Variants in CERS6 observed in about 807,000 individuals in gnomAD.
The protein encoded by CERS6 is LAG1 homolog, ceramide synthase 6.
Under a neutral mutation model 56.8 loss-of-function variants are expected in CERS6, and 26 were observed. That is an observed-to-expected ratio of 0.46 (90% CI 0.34 to 0.63). The LOEUF is 0.63. Ranked by LOEUF, CERS6 falls within the 30% of genes least tolerant of loss-of-function variation. The probability of loss-of-function intolerance (pLI) is 0.01; values close to 1 mark genes in which losing one functional copy is unlikely to be tolerated. For synonymous variants in CERS6, 164 were observed against 173.3 expected, an observed-to-expected ratio of 0.95 and a Z score of 0.42; for missense variants, 415 against 467.5, an observed-to-expected ratio of 0.89 and a Z score of 1.04.
rs1223269152 is a variant in CERS6, at chr2:168,717,955, A to G, written c.822A>G (p.Thr274=). ...TGTTTGCCGTGGTTTTTATCACCAC[A>G]CGACTGGGTATATTTCCTCTCTGGT... The part of the protein sequence containing the change: ...FVMFAVVFIT[T]RLGIFPLWVL... The change falls in exon 8 of 10, where the codon ACA becomes ACG. Residue 274 remains threonine (T), a synonymous_variant. Coordinates refer to ENST00000305747, the MANE Select transcript of CERS6 (RefSeq NM_203463.3). 1 of 1,613,008 alleles carries G rather than the reference A, an allele frequency of 6.2e-7. No individual in the cohort carries two copies. Among genetic ancestry groups the G allele is most frequent in the African/African-American group, 1.3e-5 (1 of 74,900 alleles).
At chr2:168,474,948 TA>T (rs1694042964) in intron 1 of CERS6, among the ~76,000 whole-genome samples, 1 of 152,204 alleles carries the variant, frequency 6.6e-6, no homozygotes, top group Non-Finnish European at 1.5e-5. Flanking sequence ...ATGATTAAGC[TA>T]TTCTGATGGT....
At chr2:168,510,740 C>A (rs1694764494) in intron 1 of CERS6, among the ~76,000 whole-genome samples, 1 of 152,080 alleles carries the variant, frequency 6.6e-6, no homozygotes. Flanking sequence ...TTGCTTTCTG[C>A]ACCATTATCA....
rs371705911 is a variant in CERS6, at chr2:168,640,719, A to G, written c.465+9677A>G. Among the ~76,000 whole-genome samples, 220 of 152,342 alleles carry G rather than the reference A, an allele frequency of 1.4e-3. 4 individuals are homozygous for G. The South Asian group carries it at 0.044, about 30-fold the overall frequency. ...TTAAGCTTTGTCTAAAAATACTTAT[A>G]TAATATGAGGCTTTGTGATAAGTGG... On this transcript the variant is annotated intron_variant, in intron 4 of 9. Coordinates refer to ENST00000305747, the MANE Select transcript of CERS6 (RefSeq NM_203463.3).
intron 3 of CERS6, among the ~76,000 whole-genome samples, chr2:168,577,107 A>T (rs1189161587): frequency 6.6e-6 from 1 of 152,174 alleles, no homozygotes; most frequent in African/African-American, 2.4e-5. Context: ...TGGTGAATAG[A>T]TAGTGTGTAA....
chr2:168,768,867 T>C (rs2105470423), intron 9 of CERS6, among the ~76,000 whole-genome samples: 1 of 134,940 alleles, frequency 7.4e-6, no homozygotes, highest in African/African-American at 2.9e-5. Context: ...ATCGCACCAG[T>C]GCACTCCAGC....
At chr2:168,508,188 A>AT (rs1694714925) in intron 1 of CERS6, among the ~76,000 whole-genome samples, 1 of 152,196 alleles carries the variant, frequency 6.6e-6, no homozygotes, top group East Asian at 1.9e-4. Context: ...GAAAACATTG[A>AT]TTTACAATAG....
chr2:168,722,659 A>G (rs756506914), intron 8 of CERS6, among the ~76,000 whole-genome samples: 4 of 152,150 alleles, frequency 2.6e-5, no homozygotes, highest in Non-Finnish European at 5.9e-5. Flanking sequence ...GAATCACACT[A>G]TATTTTATCT....
chr2:168,482,399 T>C (rs1189836243), intron 1 of CERS6, among the ~76,000 whole-genome samples: 1 of 152,228 alleles, frequency 6.6e-6, no homozygotes, highest in Non-Finnish European at 1.5e-5. Flanking sequence ...TGTGTAGCCA[T>C]AGAAGCTAAA....
In CERS6 at chr2:168,760,738, G is replaced by GTTTGTTTATTTA. The variant is rs376070301; in HGVS notation, c.846-4851_846-4850insGTTTATTTATTT. On this transcript the variant is annotated intron_variant, in intron 8 of 9. Transcript: ENST00000305747. Reference sequence around the variant, plus strand: ...AGGCTCTTTCCTGGGTTTACTGTTTGTTTATTTATTTATTTATTTATTTAT... The same window carrying GTTTGTTTATTTA: ...AGGCTCTTTCCTGGGTTTACTGTTTGTTTGTTTATTTATTTATTTATTTATTTATTTATTTAT... Among the ~76,000 whole-genome samples the GTTTGTTTATTTA allele has an allele frequency of 5.7e-3, 731 of 129,326 alleles. 4 individuals are homozygous for GTTTGTTTATTTA. Among genetic ancestry groups the GTTTGTTTATTTA allele is most frequent in the African/African-American group, 0.017 (681 of 39,308 alleles). The allele number at this position is 129,326 out of a possible 152,430, so 84.8% of individuals were successfully genotyped here.
At chr2:168,675,040 A>G (rs1034774495) in intron 4 of CERS6, among the ~76,000 whole-genome samples, 4 of 151,964 alleles carry the variant, frequency 2.6e-5, no homozygotes, top group Non-Finnish European at 1.5e-5. Context: ...CAGTGGCGTA[A>G]TCGGCTCACT....
intron 3 of CERS6, among the ~76,000 whole-genome samples, chr2:168,572,581 C>G (rs1696009460): frequency 6.6e-6 from 1 of 151,840 alleles, no homozygotes; most frequent in African/African-American, 2.4e-5. Flanking sequence ...TATTATTTTA[C>G]TGCCTGCAGA....
At chr2:168,695,320 C>G (rs566470665) in intron 6 of CERS6, among the ~76,000 whole-genome samples, 9 of 152,264 alleles carry the variant, frequency 5.9e-5, no homozygotes, top group African/African-American at 2.2e-4. Context: ...GATTTTCTCT[C>G]AATCTAATTC....
intron 1 of CERS6, among the ~76,000 whole-genome samples, chr2:168,527,657 G>A (rs535145398): frequency 1.3e-5 from 2 of 152,268 alleles, no homozygotes; most frequent in African/African-American, 2.4e-5. Flanking sequence ...GAGGAATGCC[G>A]TTCTTCCCAT....
At chr2:168,580,483 G>A (rs1371909242) in intron 3 of CERS6, among the ~76,000 whole-genome samples, 1 of 152,102 alleles carries the variant, frequency 6.6e-6, no homozygotes, top group Non-Finnish European at 1.5e-5. Flanking sequence ...TTATTTCCAT[G>A]TTCCCTCTTC....
chr2:168,546,406 C>G (rs115921416), intron 1 of CERS6, among the ~76,000 whole-genome samples: 3 of 152,290 alleles, frequency 2.0e-5, no homozygotes, highest in Non-Finnish European at 2.9e-5. Flanking sequence ...TGCATTTTCT[C>G]TGTCTTATCT....
At chr2:168,477,901 T>C (rs1694108710) in intron 1 of CERS6, among the ~76,000 whole-genome samples, 1 of 152,240 alleles carries the variant, frequency 6.6e-6, no homozygotes. Flanking sequence ...TATTTAGTTT[T>C]CCACGAATTA....
At chr2:168,479,887 C>A (rs1253777933) in intron 1 of CERS6, among the ~76,000 whole-genome samples, 1 of 152,198 alleles carries the variant, frequency 6.6e-6, no homozygotes, top group Non-Finnish European at 1.5e-5. Flanking sequence ...AGATTACAGG[C>A]ATGAGCCACG....
chr2:168,561,417 CT>C, intron 3 of CERS6, 95 bp downstream of exon 3: 1 of 1,376,386 alleles, frequency 7.3e-7, no homozygotes, highest in Non-Finnish European at 9.9e-7. Context: ...TTCAGCAGCC[CT>C]TAAAAAGCTG....
chr2:168,561,769 AT>A (rs1695794137), intron 3 of CERS6, among the ~76,000 whole-genome samples: 1 of 152,106 alleles, frequency 6.6e-6, no homozygotes, highest in Non-Finnish European at 1.5e-5. Context: ...GCTCTATTAT[AT>A]TTCTGGGTGA....
Sources: allele counts gnomAD v4.1 joint callset (sites outside exome capture counted in the v4.1 genomes callset), GRCh38; gene constraint gnomAD v4.1.1; transcripts MANE v1.5; gene names NCBI Gene and HGNC (gene_info 2026-07-23, HGNC 2026-07-21).